UBE2E2: variants seen among roughly 807,000 people sequenced by gnomAD.
The protein encoded by UBE2E2 is ubiquitin conjugating enzyme E2 E2, also known as ubiquitin-conjugating enzyme E2 E2.
A neutral mutation model predicts 24.7 loss-of-function variants in UBE2E2; 6 were observed. That is an observed-to-expected ratio of 0.24 (90% CI 0.13 to 0.48). UBE2E2 has a LOEUF of 0.48. Ranked by LOEUF, UBE2E2 falls within the 20% of genes least tolerant of loss-of-function variation. The pLI is 0.99. For synonymous variants in UBE2E2, 104 were observed against 83.6 expected, an observed-to-expected ratio of 1.24 and a Z score of -1.33; for missense variants, 169 against 245.0, an observed-to-expected ratio of 0.69 and a Z score of 2.07.
intron 5 of UBE2E2, among the ~76,000 whole-genome samples, chr3:23,544,597 G>A (rs1378691143): frequency 6.6e-6 from 1 of 152,168 alleles, no homozygotes; most frequent in African/African-American, 2.4e-5. Context: ...TACACTGCTG[G>A]TGGGAATGTA....
chr3:23,269,597 G>A (rs1203788390), intron 3 of UBE2E2, among the ~76,000 whole-genome samples: 2 of 152,198 alleles, frequency 1.3e-5, no homozygotes, highest in Non-Finnish European at 2.9e-5. Flanking sequence ...GGAAAAATTT[G>A]TAACTGTCAT....
At chr3:23,204,878 C>CT (rs773082455) in intron 1 of UBE2E2, 10 of 545,928 alleles carry the variant, frequency 1.8e-5, no homozygotes, top group Non-Finnish European at 2.1e-5. Flanking sequence ...GTTATAAAAG[C>CT]TTAAATGAAC....
chr3:23,275,515 C>G (rs1227177805), intron 3 of UBE2E2, among the ~76,000 whole-genome samples: 1 of 152,096 alleles, frequency 6.6e-6, no homozygotes, highest in Non-Finnish European at 1.5e-5. Context: ...AATGGGAAGC[C>G]TTTGAAGTGT....
At chr3:23,354,479 C>T (rs989062919) in intron 3 of UBE2E2, among the ~76,000 whole-genome samples, 2 of 152,156 alleles carry the variant, frequency 1.3e-5, no homozygotes, top group Non-Finnish European at 2.9e-5. Context: ...TCGCAACCTA[C>T]TCATCTGACA....
At chr3:23,575,375 C>T (rs921743499) in intron 5 of UBE2E2, among the ~76,000 whole-genome samples, 2 of 152,086 alleles carry the variant, frequency 1.3e-5, no homozygotes, top group Admixed American at 6.6e-5. Flanking sequence ...AGGCATTTGC[C>T]TATTCCGTCT....
At chr3:23,349,670 G>C (rs188002204) in intron 3 of UBE2E2, among the ~76,000 whole-genome samples, 1 of 152,242 alleles carries the variant, frequency 6.6e-6, no homozygotes, top group East Asian at 1.9e-4. Context: ...AGGCAGCAGC[G>C]AGGCTAGGGG....
chr3:23,354,490 A>G (rs553127354), intron 3 of UBE2E2, among the ~76,000 whole-genome samples: 10 of 152,318 alleles, frequency 6.6e-5, no homozygotes, highest in Admixed American at 2.0e-4. Context: ...TCATCTGACA[A>G]AGGGCTAATA....
At chr3:23,231,478 A>G (rs1696972216) in intron 3 of UBE2E2, among the ~76,000 whole-genome samples, 1 of 152,208 alleles carries the variant, frequency 6.6e-6, no homozygotes, top group Admixed American at 6.5e-5. Context: ...TTCTTATTAA[A>G]CAATAGTCAA....
At chr3:23,392,219 C>A (rs535964219) in intron 3 of UBE2E2, among the ~76,000 whole-genome samples, 1 of 152,034 alleles carries the variant, frequency 6.6e-6, no homozygotes, top group African/African-American at 2.4e-5. Context: ...TATGGCCTAG[C>A]GAATAATATA....
At chr3:23,285,897 A>G (rs1698605337) in intron 3 of UBE2E2, among the ~76,000 whole-genome samples, 1 of 152,174 alleles carries the variant, frequency 6.6e-6, no homozygotes, top group Non-Finnish European at 1.5e-5. Context: ...GGGTTTCACC[A>G]TGTAGGCCCA....
chr3:23,337,781 G>A (rs531594678), intron 3 of UBE2E2, among the ~76,000 whole-genome samples: 1 of 152,308 alleles, frequency 6.6e-6, no homozygotes, highest in East Asian at 1.9e-4. Context: ...TATAAAGATT[G>A]GTAGGAGTTA....
At chr3:23,324,774 C>G (rs1694838539) in intron 3 of UBE2E2, among the ~76,000 whole-genome samples, 1 of 146,542 alleles carries the variant, frequency 6.8e-6, no homozygotes. Context: ...TTTCACACCT[C>G]TCTTGGAGAA....
intron 3 of UBE2E2, among the ~76,000 whole-genome samples, chr3:23,374,988 C>T (rs1046155775): frequency 3.3e-5 from 5 of 151,714 alleles, no homozygotes; most frequent in African/African-American, 1.2e-4. Context: ...ACCTTAAAAG[C>T]CATGAGAGAA....
At chr3:23,441,538 C>CAAAAAAAAAAAAAA (rs147766521) in intron 3 of UBE2E2, among the ~76,000 whole-genome samples, 9 of 95,742 alleles carry the variant, frequency 9.4e-5, no homozygotes, top group East Asian at 3.3e-4. Flanking sequence ...GACTCCGTCT[C>CAAAAAAAAAAAAAA]AAAAAAAAAA....
chr3:23,381,115 T>C (rs1374170010), intron 3 of UBE2E2, among the ~76,000 whole-genome samples: 2 of 152,214 alleles, frequency 1.3e-5, no homozygotes, highest in Non-Finnish European at 1.5e-5. Context: ...TGAAGACTTT[T>C]AGATAATCTT....
intron 3 of UBE2E2, among the ~76,000 whole-genome samples, chr3:23,485,498 T>C (rs1254379306): frequency 6.6e-6 from 1 of 152,136 alleles, no homozygotes; most frequent in East Asian, 1.9e-4. Context: ...CTTGAACAGG[T>C]CTGACATTTA....
intron 3 of UBE2E2, among the ~76,000 whole-genome samples, chr3:23,266,957 G>C (rs1224968301): frequency 6.6e-6 from 1 of 152,094 alleles, no homozygotes; most frequent in Non-Finnish European, 1.5e-5. Flanking sequence ...AATGACTACT[G>C]GGTACATAAC....
At chr3:23,262,795 T>C (rs1697938722) in intron 3 of UBE2E2, among the ~76,000 whole-genome samples, 1 of 152,180 alleles carries the variant, frequency 6.6e-6, no homozygotes, top group Non-Finnish European at 1.5e-5. Context: ...TTGCTTTTGT[T>C]GCACATGCTT....
rs577605773 is a variant in UBE2E2, at chr3:23,401,408, G to C, written c.228-98200G>C. 3.9e-5 allele frequency among the ~76,000 whole-genome samples: 6 copies of C among 152,254 alleles called. No homozygotes were observed. In the South Asian group the frequency reaches 1.0e-3, roughly 26 times the overall value. The stretch of plus-strand genomic sequence containing the variant: ...AATCTTTAATTCTCACATTTGCTTA[G>C]GTTAGTGTTGTCACCCCCACGATTC... On this transcript the variant is annotated intron_variant, in intron 3 of 5. Transcript: ENST00000396703.
Sources: allele counts gnomAD v4.1 joint callset (sites outside exome capture counted in the v4.1 genomes callset), GRCh38; gene constraint gnomAD v4.1.1; transcripts MANE v1.5; gene names NCBI Gene and HGNC (gene_info 2026-07-23, HGNC 2026-07-21).